Variants in GRK3 observed in about 807,000 individuals in gnomAD.
GRK3 encodes the protein adrenergic, beta, receptor kinase 2.
Under a neutral mutation model 95.7 loss-of-function variants are expected in GRK3, and 54 were observed. The ratio of observed to expected loss-of-function variants is 0.56; its 90% CI spans 0.45 to 0.71. The LOEUF (loss-of-function observed/expected upper bound fraction) is 0.71, where lower values mean the gene tolerates loss of function less well. Ranked by LOEUF, GRK3 falls within the 30% of genes least tolerant of loss-of-function variation. GRK3 has a pLI of 0.00. For synonymous variants in GRK3, 281 were observed against 290.8 expected, an observed-to-expected ratio of 0.97 and a Z score of 0.34; for missense variants, 649 against 851.2, an observed-to-expected ratio of 0.76 and a Z score of 2.96.
Position 25,685,164 on chromosome 22 carries a change from C to T in GRK3, c.748-6C>T. The T allele has an allele frequency of 6.2e-7, 1 of 1,605,926 alleles. No homozygotes were observed. Among genetic ancestry groups the T allele is most frequent in the Non-Finnish European group, 8.5e-7 (1 of 1,172,592 alleles). On this transcript the variant is annotated splice_region_variant and splice_polypyrimidine_tract_variant and intron_variant, in intron 9 of 20. Transcript: ENST00000324198. ...CTTCTTATAAACTTTTATTGTTTCA[C>T]TCTAGGACTGTCCTTTCATTGTATG...
At chr22:25,674,877 AG>A in intron 8 of GRK3, among the ~76,000 whole-genome samples, 1 of 152,240 alleles carries the variant, frequency 6.6e-6, no homozygotes, top group South Asian at 2.1e-4. Context: ...TGAACCCGGG[AG>A]GCAGAGCTTG....
chr22:25,599,121 G>A (rs1281316758), intron 1 of GRK3, among the ~76,000 whole-genome samples: 7 of 152,112 alleles, frequency 4.6e-5, no homozygotes, highest in African/African-American at 1.7e-4. Context: ...TAACACTTCT[G>A]GAAGAAAGCA....
intron 1 of GRK3, among the ~76,000 whole-genome samples, chr22:25,585,061 C>T (rs1483673054): frequency 6.6e-6 from 1 of 152,288 alleles, no homozygotes; most frequent in African/African-American, 2.4e-5. Context: ...TTATTCAGAA[C>T]TGACTAGGGA....
At chr22:25,591,999 A>T (rs1932508835) in intron 1 of GRK3, among the ~76,000 whole-genome samples, 1 of 152,232 alleles carries the variant, frequency 6.6e-6, no homozygotes, top group African/African-American at 2.4e-5. Context: ...TAAAATACCT[A>T]AAAATGGAAT....
chr22:25,707,220 A>G (rs1337328999), intron 15 of GRK3, among the ~76,000 whole-genome samples: 1 of 152,208 alleles, frequency 6.6e-6, no homozygotes, highest in Non-Finnish European at 1.5e-5. Flanking sequence ...TGGCTTGAAC[A>G]AGAAACCTTT....
chr22:25,640,110 G>A (rs77357296), intron 2 of GRK3, among the ~76,000 whole-genome samples: 3,224 of 152,198 alleles, frequency 0.021, 58 homozygotes, highest in Middle Eastern at 0.068. Flanking sequence ...ATCAGTTTTA[G>A]TTCTTCCTTT....
In GRK3 at chr22:25,718,379, C is replaced by T. The variant is rs1443013222; in HGVS notation, c.1789C>T (p.Arg597Trp). ...TGAATGGAGAGGAGAGGGAGAGTCCCGGGTAAGTCTAAGGCAGCCTCACCG... is the reference window on the plus strand; with the variant it reads ...TGAATGGAGAGGAGAGGGAGAGTCCTGGGTAAGTCTAAGGCAGCCTCACCG... ...RLEWRGEGES[R>W]QNLLTMEQIL... is the part of the protein sequence containing the mutation. Residue 597 changes from arginine (R) to tryptophan (W), a missense_variant and splice_region_variant, in exon 19 of 21, where the codon CGG becomes TGG. This residue lies in a region of GRK3 where 382 missense variants were observed against 493.8 expected (regional missense o/e 0.77). Transcript: ENST00000324198. 32 of 1,613,814 alleles carry T rather than the reference C, an allele frequency of 2.0e-5. No individual in the cohort carries two copies. Among genetic ancestry groups the T allele is most frequent in the Admixed American group, 5.0e-5 (3 of 59,980 alleles).
At chr22:25,618,896 C>T (rs2084559832) in intron 2 of GRK3, among the ~76,000 whole-genome samples, 1 of 152,108 alleles carries the variant, frequency 6.6e-6, no homozygotes, top group African/African-American at 2.4e-5. Context: ...TCCTGGGATC[C>T]TCCTAGTTTA....
intron 3 of GRK3, among the ~76,000 whole-genome samples, chr22:25,656,394 C>G (rs76895076): frequency 1.3e-5 from 2 of 152,086 alleles, no homozygotes; most frequent in Non-Finnish European, 2.9e-5. Flanking sequence ...ATGGCTCCCT[C>G]TAGTCTTGAA....
intron 4 of GRK3, among the ~76,000 whole-genome samples, chr22:25,662,694 T>G (rs1047780136): frequency 1.3e-5 from 2 of 152,236 alleles, no homozygotes; most frequent in African/African-American, 4.8e-5. Flanking sequence ...CTCCATGCCT[T>G]GCTGCCTCAG....
intron 1 of GRK3, among the ~76,000 whole-genome samples, chr22:25,566,857 A>G (rs76080173): frequency 0.037 from 5,569 of 151,154 alleles, 192 homozygotes; most frequent in African/African-American, 0.085. Context: ...AATATGTAGT[A>G]TTTCTATATA....
In GRK3 at chr22:25,629,085, A is replaced by C. The variant is rs142535173; in HGVS notation, c.191-15507A>C. Among the ~76,000 whole-genome samples the C allele has an allele frequency of 2.4e-3, 362 of 152,286 alleles. 4 individuals carry two copies. Among genetic ancestry groups the C allele is most frequent in the South Asian group, 1.7e-3 (8 of 4,822 alleles). ...TTCATTTATAAAATAAAAACAAATC[A>C]TTGTAATAAAGCCAGATCATGCTCT... On this transcript the variant is annotated intron_variant, in intron 2 of 20. Coordinates refer to ENST00000324198, the MANE Select transcript of GRK3 (RefSeq NM_005160.4).
At position 25,718,401 on chromosome 22, in the gene GRK3, A is replaced by G; in HGVS notation, c.1791+20A>G. ...TCCCGGGTAAGTCTAAGGCAGCCTCACCGAGCATGTTTCCCAGTACGTACA... is the reference window on the plus strand; with the variant it reads ...TCCCGGGTAAGTCTAAGGCAGCCTCGCCGAGCATGTTTCCCAGTACGTACA... On this transcript the variant is annotated intron_variant, in intron 19 of 20. Transcript: ENST00000324198. 1 of 1,612,796 alleles carries G rather than the reference A, an allele frequency of 6.2e-7. No homozygotes were observed. Among genetic ancestry groups the G allele is most frequent in the Non-Finnish European group, 8.5e-7 (1 of 1,179,050 alleles).
Position 25,718,371 on chromosome 22 carries a change from G to A in GRK3, c.1781G>A (p.Gly594Glu), listed in dbSNP as rs778150311. The A allele has an allele frequency of 2.5e-6, 4 of 1,613,998 alleles. No homozygotes were observed. The African/African-American group carries it at 5.3e-5, about 22-fold the overall frequency. The stretch of plus-strand genomic sequence containing the variant: ...AATAGACTTGAATGGAGAGGAGAGG[G>A]AGAGTCCCGGGTAAGTCTAAGGCAG... ...FPNRLEWRGE[G>E]ESRQNLLTME... Residue 594 changes from glycine (G) to glutamate (E), a missense_variant, in exon 19 of 21, where the codon GGA becomes GAA. This residue lies in a region of GRK3 where 382 missense variants were observed against 493.8 expected (regional missense o/e 0.77). Transcript: ENST00000324198.
At chr22:25,685,669 G>A (rs1055557133) in intron 10 of GRK3, among the ~76,000 whole-genome samples, 1 of 152,120 alleles carries the variant, frequency 6.6e-6, no homozygotes, top group African/African-American at 2.4e-5. Context: ...ACAGATTTTA[G>A]CCCAATCTTC....
chr22:25,644,473 T>TAA, intron 2 of GRK3, 119 bp from the exon 3 acceptor site: 22 of 405,910 alleles, frequency 5.4e-5, no homozygotes, highest in South Asian at 1.5e-4. Flanking sequence ...ATCTTTTTTT[T>TAA]AAAAAAAAAA....
chr22:25,720,312 T>C lies in GRK3; in HGVS notation c.1792-972T>C, dbSNP rs186031875. Reference sequence around the variant, plus strand: ...AAGCTACATAATATGCATGAGCAGATTTGTAAGTCTAAGTAAGGAAAAAGA... The same window carrying C: ...AAGCTACATAATATGCATGAGCAGACTTGTAAGTCTAAGTAAGGAAAAAGA... On this transcript the variant is annotated intron_variant, in intron 19 of 20. Transcript: ENST00000324198. Among the ~76,000 whole-genome samples, 1,226 of 152,214 alleles carry C rather than the reference T, an allele frequency of 8.1e-3. 12 individuals carry two copies. Among genetic ancestry groups the C allele is most frequent in the Non-Finnish European group, 8.6e-3 (584 of 68,008 alleles).
At chr22:25,701,333 C>T (rs764540330) in intron 13 of GRK3, among the ~76,000 whole-genome samples, 5 of 152,156 alleles carry the variant, frequency 3.3e-5, no homozygotes, top group Non-Finnish European at 7.3e-5. Context: ...AAATAGAAAC[C>T]AAGTCTTTGG....
At chr22:25,620,009 TGTGTGTGTGTGTGTGTGTG>T (rs2084571198) in intron 2 of GRK3, among the ~76,000 whole-genome samples, 18 of 92,654 alleles carry the variant, frequency 1.9e-4, no homozygotes, top group Admixed American at 1.6e-3. Flanking sequence ...GTCTTTTTTG[TGTGTGTGTGTGTGTGTGTG>T]TGTGTGTGTG....
Sources: gnomAD v4.1 joint callset for allele counts (sites outside exome capture counted in the v4.1 genomes callset) on GRCh38, gnomAD v4.1.1 for gene constraint, gnomAD v4.1.1 regional missense constraint, MANE v1.5 for transcripts, NCBI Gene and HGNC (gene_info 2026-07-23, HGNC 2026-07-21) for gene names.